Variants in PHF24 observed in about 807,000 individuals in gnomAD.
PHF24 encodes the protein Galpha inhibitory interacting protein.
In PHF24, 25 loss-of-function variants were observed where a neutral mutation model predicts 42.6. The observed-to-expected ratio is 0.59, with a 90% CI of 0.43 to 0.82. PHF24 has a LOEUF of 0.82. PHF24 is among the 40% of genes least tolerant of loss of function. The probability of loss-of-function intolerance (pLI) is 0.00; values close to 1 mark genes in which losing one functional copy is unlikely to be tolerated. For missense variants in PHF24, 470 were observed against 538.1 expected, an observed-to-expected ratio of 0.87 and a Z score of 1.25; for synonymous variants, 185 against 204.8, an observed-to-expected ratio of 0.90 and a Z score of 0.83.
the PHF24 span, among the ~76,000 whole-genome samples, chr9:34,869,348 T>C: frequency 6.6e-6 from 1 of 152,246 alleles, no homozygotes; most frequent in Non-Finnish European, 1.5e-5. Flanking sequence ...CTATAATGGT[T>C]GAACTAATTT....
chr9:34,892,556 A>G, the PHF24 span: 1 of 420,598 alleles, frequency 2.4e-6, no homozygotes, highest in African/African-American at 2.0e-5. Flanking sequence ...TGGACATTGC[A>G]ATAGCAGTTG....
At chr9:34,709,320 C>T in the PHF24 span, 1 of 1,568,232 alleles carries the variant, frequency 6.4e-7, no homozygotes, top group Admixed American at 1.9e-5. Context: ...TAGCCTCCTT[C>T]TTGCATCTTG....
chr9:34,835,890 A>G, the PHF24 span: 53 of 957,948 alleles, frequency 5.5e-5, no homozygotes, highest in African/African-American at 8.0e-4. Flanking sequence ...TCTCTAGGCA[A>G]GAGGAGACCT....
the PHF24 span, among the ~76,000 whole-genome samples, chr9:34,738,594 C>T: frequency 6.6e-6 from 1 of 152,096 alleles, no homozygotes; most frequent in Admixed American, 6.6e-5. Flanking sequence ...GATCCGCCTG[C>T]CTCAGCCTCC....
chr9:34,937,230 T>G, the PHF24 span, among the ~76,000 whole-genome samples: 2 of 152,184 alleles, frequency 1.3e-5, no homozygotes, highest in South Asian at 4.1e-4. Flanking sequence ...GGGAAAAGAT[T>G]GAGAAATCGG....
chr9:34,874,665 A>C, the PHF24 span, among the ~76,000 whole-genome samples: 1 of 152,306 alleles, frequency 6.6e-6, no homozygotes, highest in African/African-American at 2.4e-5. Flanking sequence ...ATGCTCCAAC[A>C]AACATTCATT....
chr9:34,885,327 C>CA, the PHF24 span, among the ~76,000 whole-genome samples: 1 of 152,202 alleles, frequency 6.6e-6, no homozygotes, highest in African/African-American at 2.4e-5. Flanking sequence ...CAGAAGGACA[C>CA]ATTATGCTTA....
At chr9:34,830,536 C>T in the PHF24 span, among the ~76,000 whole-genome samples, 2 of 152,104 alleles carry the variant, frequency 1.3e-5, no homozygotes, top group African/African-American at 2.4e-5. Context: ...CCTTAGGTCT[C>T]CTTAGAGGTT....
the PHF24 span, chr9:34,729,201 G>T: frequency 1.4e-6 from 2 of 1,439,360 alleles, no homozygotes; most frequent in Non-Finnish European, 1.8e-6. Context: ...AAATTCTGGG[G>T]TGGGGATTAT....
the PHF24 span, among the ~76,000 whole-genome samples, chr9:34,827,528 C>T: frequency 8.3e-6 from 1 of 119,842 alleles, no homozygotes; most frequent in Non-Finnish European, 1.7e-5. Flanking sequence ...GCTGGGGTCC[C>T]ATCAGAGGAA....
At chr9:34,848,585 T>C in the PHF24 span, among the ~76,000 whole-genome samples, 46 of 151,970 alleles carry the variant, frequency 3.0e-4, no homozygotes, top group Non-Finnish European at 5.4e-4. Flanking sequence ...AAGGGTTTTT[T>C]GTGTCTCTAT....
chr9:34,907,259 T>G, the PHF24 span, among the ~76,000 whole-genome samples: 13 of 152,184 alleles, frequency 8.5e-5, no homozygotes, highest in Admixed American at 7.9e-4. Flanking sequence ...AACTCCTGGG[T>G]CCATTCATTC....
At chr9:34,927,657 A>C in the PHF24 span, among the ~76,000 whole-genome samples, 2 of 152,226 alleles carry the variant, frequency 1.3e-5, 1 homozygote, top group East Asian at 3.9e-4. Context: ...CTCTGGGCAC[A>C]TCCAATCCAG....
chr9:34,723,574 A>G, the PHF24 span: 1 of 1,551,764 alleles, frequency 6.4e-7, no homozygotes, highest in South Asian at 1.2e-5. Flanking sequence ...TCTTGGGGTT[A>G]ATATGCTGCA....
chr9:34,764,489 G>C, the PHF24 span, among the ~76,000 whole-genome samples: 1 of 150,686 alleles, frequency 6.6e-6, no homozygotes, highest in Non-Finnish European at 1.5e-5. Flanking sequence ...TTTGCGTAGA[G>C]GTGTTTGTAG....
At chr9:34,720,628 C>T in the PHF24 span, among the ~76,000 whole-genome samples, 2 of 152,108 alleles carry the variant, frequency 1.3e-5, no homozygotes, top group African/African-American at 4.8e-5. Context: ...AGGGCAGCTT[C>T]TTTGTCTTCC....
chr9:34,866,499 A>G, the PHF24 span, among the ~76,000 whole-genome samples: 2 of 152,220 alleles, frequency 1.3e-5, no homozygotes, highest in East Asian at 1.9e-4. Context: ...CGTACCTTAC[A>G]TAAAAGGTGA....
At chr9:34,822,930 C>T in the PHF24 span, among the ~76,000 whole-genome samples, 1 of 152,022 alleles carries the variant, frequency 6.6e-6, no homozygotes, top group Non-Finnish European at 1.5e-5. Flanking sequence ...GGCGCGGTGG[C>T]TCACGCCTGT....
the PHF24 span, among the ~76,000 whole-genome samples, chr9:34,843,556 TTA>T: frequency 1.3e-4 from 20 of 152,348 alleles, no homozygotes; most frequent in Admixed American, 1.2e-3. Flanking sequence ...ATTTTGGCTA[TTA>T]TAGGTCATTA....
Sources: gnomAD v4.1 joint callset for allele counts (sites outside exome capture counted in the v4.1 genomes callset) on GRCh38, gnomAD v4.1.1 for gene constraint, MANE v1.5 for transcripts, NCBI Gene and HGNC (gene_info 2026-07-23, HGNC 2026-07-21) for gene names.